ADAM12: variants seen among roughly 807,000 people sequenced by gnomAD.
ADAM12 encodes the protein ADAM metallopeptidase domain 12, also known as disintegrin and metalloproteinase domain-containing protein 12.
Under a neutral mutation model 106.4 loss-of-function variants are expected in ADAM12, and 70 were observed. The observed-to-expected ratio is 0.66, with a 90% CI of 0.54 to 0.80. The LOEUF is 0.80. Ranked by LOEUF, ADAM12 falls within the 30% of genes least tolerant of loss-of-function variation. The pLI is 0.00. For missense variants in ADAM12, 1,010 were observed against 1,171.9 expected, an observed-to-expected ratio of 0.86 and a Z score of 2.02; for synonymous variants, 420 against 433.5, an observed-to-expected ratio of 0.97 and a Z score of 0.39.
chr10:126,241,609 A>G (rs2133654015), intron 3 of ADAM12, among the ~76,000 whole-genome samples: 1 of 152,306 alleles, frequency 6.6e-6, no homozygotes, highest in Non-Finnish European at 1.5e-5. Flanking sequence ...ATGACAAAGC[A>G]GGTGTGTTTA....
chr10:126,085,994 A>G (rs1955332660), intron 11 of ADAM12, among the ~76,000 whole-genome samples: 1 of 152,126 alleles, frequency 6.6e-6, no homozygotes, highest in Non-Finnish European at 1.5e-5. Flanking sequence ...GGAGGAAGCC[A>G]TGGGGGTAAG....
chr10:126,091,607 G>C (rs1353919424), intron 11 of ADAM12, among the ~76,000 whole-genome samples: 1 of 84,820 alleles, frequency 1.2e-5, no homozygotes, highest in Non-Finnish European at 3.4e-5. Context: ...CCCTGGTAAT[G>C]GGGGAAAAAA....
chr10:126,082,364 T>C (rs28663156), intron 11 of ADAM12, among the ~76,000 whole-genome samples: 4 of 24,274 alleles, frequency 1.6e-4, no homozygotes, highest in Non-Finnish European at 2.4e-4. Context: ...CTAATGACTG[T>C]TTTTTTTTTT....
intron 2 of ADAM12, among the ~76,000 whole-genome samples, chr10:126,312,185 C>T (rs902061783): frequency 1.3e-5 from 2 of 149,908 alleles, no homozygotes; most frequent in South Asian, 2.1e-4. Flanking sequence ...GAAGTATAAG[C>T]GTCAAGACCA....
At chr10:126,243,484 A>ATATGT in intron 3 of ADAM12, among the ~76,000 whole-genome samples, 1 of 137,128 alleles carries the variant, frequency 7.3e-6, no homozygotes, top group Admixed American at 7.4e-5. Context: ...TGTGTGTGTG[A>ATATGT]GTGTATGTGT....
chr10:126,046,062 C>T lies in ADAM12; in HGVS notation c.1988G>A (p.Gly663Asp). 6.2e-7 allele frequency: 1 copy of T among 1,614,078 alleles called. No individual in the cohort carries two copies. Among genetic ancestry groups the T allele is most frequent in the Non-Finnish European group, 8.5e-7 (1 of 1,179,908 alleles). Reference protein sequence around the residue: ...GVHECAMQCHGRGVCNNRKNC... With the variant: ...GVHECAMQCHDRGVCNNRKNC... ...GCAGCTCAGCCTACTCACCCCTCTG[C>T]CGTGGCACTGCATTGCACACTCGTG... The change falls in exon 17 of 23, where the codon GGC (glycine) becomes GAC (aspartate). Residue 663 changes from glycine (G) to aspartate (D), a missense_variant. Around this residue, in one of 3 missense-constraint regions of ADAM12, gnomAD observed 615 missense variants for 708.5 expected, o/e 0.87. Transcript: ENST00000448723.
intron 1 of ADAM12, among the ~76,000 whole-genome samples, chr10:126,382,627 T>C (rs1206479773): frequency 1.3e-5 from 2 of 152,198 alleles, no homozygotes; most frequent in Non-Finnish European, 2.9e-5. Flanking sequence ...CATCAGTCAG[T>C]AAATCCATCT....
chr10:126,385,016 G>A (rs1006162110), intron 1 of ADAM12, among the ~76,000 whole-genome samples: 1 of 152,194 alleles, frequency 6.6e-6, no homozygotes, highest in Non-Finnish European at 1.5e-5. Context: ...CTCAGGTTCA[G>A]TTAATTTGCT....
intron 11 of ADAM12, among the ~76,000 whole-genome samples, chr10:126,082,361 CTGTT>C (rs1955236996): frequency 4.0e-5 from 2 of 50,030 alleles, no homozygotes; most frequent in Non-Finnish European, 7.6e-5. Flanking sequence ...AATCTAATGA[CTGTT>C]TTTTTTTTTT....
chr10:126,168,996 T>C (rs1957072928), intron 3 of ADAM12, among the ~76,000 whole-genome samples: 1 of 152,012 alleles, frequency 6.6e-6, no homozygotes, highest in Non-Finnish European at 1.5e-5. Context: ...GAGATTGTAG[T>C]GAGCCGAGAT....
At chr10:126,124,257 G>C (rs1286785491) in intron 5 of ADAM12, among the ~76,000 whole-genome samples, 2 of 151,556 alleles carry the variant, frequency 1.3e-5, no homozygotes, top group Middle Eastern at 3.5e-3. Flanking sequence ...TCAATCATGT[G>C]GTGGAAAAGC....
In ADAM12 at chr10:126,230,318, G is replaced by A. The variant is rs918671931; in HGVS notation, c.260+48597C>T. ...ACACTGCTCCTGGCATTTATCTGAC[G>A]TTCAATACAACATCTTCAATGCCTA... On this transcript the variant is annotated intron_variant, in intron 3 of 22. Transcript: ENST00000448723. Among the ~76,000 whole-genome samples, 8 of 152,066 alleles carry A rather than the reference G, an allele frequency of 5.3e-5. No homozygotes were observed. In the East Asian group the frequency reaches 5.8e-4, roughly 11 times the overall value.
At chr10:126,233,046 C>T (rs1403231131) in intron 3 of ADAM12, among the ~76,000 whole-genome samples, 2 of 152,074 alleles carry the variant, frequency 1.3e-5, no homozygotes, top group African/African-American at 4.8e-5. Context: ...AAGAGCATCC[C>T]CTACCACAGT....
At chr10:126,041,901 A>C in intron 18 of ADAM12, 1 of 1,406,080 alleles carries the variant, frequency 7.1e-7, no homozygotes, top group Non-Finnish European at 9.2e-7. Flanking sequence ...AAGCATGTCC[A>C]TGTTTTAGCA....
chr10:126,173,740 G>A (rs1049373217), intron 3 of ADAM12, among the ~76,000 whole-genome samples: 1 of 152,072 alleles, frequency 6.6e-6, no homozygotes. Context: ...TTCCTGAGGA[G>A]TATAGCAGAG....
At chr10:126,296,042 G>A (rs1052863232) in intron 2 of ADAM12, among the ~76,000 whole-genome samples, 1 of 152,210 alleles carries the variant, frequency 6.6e-6, no homozygotes, top group African/African-American at 2.4e-5. Flanking sequence ...ATGAAGGGCA[G>A]TAACTGGAGA....
In ADAM12 at chr10:126,272,465, C is replaced by T. The variant is rs1053106698; in HGVS notation, c.260+6450G>A. On this transcript the variant is annotated intron_variant, in intron 3 of 22. Coordinates refer to ENST00000448723, the MANE Select transcript of ADAM12 (RefSeq NM_001288973.2). The stretch of plus-strand genomic sequence containing the variant: ...TGATCTTGGGAGGCATGAGCAAGCA[C>T]ATTGTCTTAATTAGCTTTATTAATT... Among the ~76,000 whole-genome samples, 4 of 152,094 alleles carry T rather than the reference C, an allele frequency of 2.6e-5. No homozygotes were observed. In the East Asian group the frequency reaches 7.7e-4, roughly 29 times the overall value.
At chr10:126,368,002 C>T (rs1855969918) in intron 1 of ADAM12, among the ~76,000 whole-genome samples, 1 of 151,774 alleles carries the variant, frequency 6.6e-6, no homozygotes, top group South Asian at 2.1e-4. Context: ...TAAAAACAGA[C>T]ATAAAATCCT....
chr10:126,342,017 A>G (rs2133870360), intron 1 of ADAM12, among the ~76,000 whole-genome samples: 1 of 152,312 alleles, frequency 6.6e-6, no homozygotes, highest in South Asian at 2.1e-4. Context: ...GGGAAAATAG[A>G]ATCTGAATTC....
Sources: gnomAD v4.1 joint callset for allele counts (sites outside exome capture counted in the v4.1 genomes callset) on GRCh38, gnomAD v4.1.1 for gene constraint, gnomAD v4.1.1 regional missense constraint, MANE v1.5 for transcripts, NCBI Gene and HGNC (gene_info 2026-07-23, HGNC 2026-07-21) for gene names.